ZDHHC3: variants seen among roughly 807,000 people sequenced by gnomAD.
ZDHHC3 encodes the protein palmitoyltransferase ZDHHC3.
A neutral mutation model predicts 30.6 loss-of-function variants in ZDHHC3; 9 were observed. The observed-to-expected ratio is 0.29, with a 90% CI of 0.18 to 0.51. ZDHHC3 has a LOEUF of 0.51. ZDHHC3 is among the 20% of genes least tolerant of loss of function. The probability of loss-of-function intolerance (pLI) is 0.97; values close to 1 mark genes in which losing one functional copy is unlikely to be tolerated. For missense variants in ZDHHC3, 246 were observed against 384.2 expected (o/e 0.64, Z 3.01); for synonymous variants, 136 against 140.2 (o/e 0.97, Z 0.21).
At position 44,925,045 on chromosome 3, in the gene ZDHHC3, AT is replaced by A. The variant is rs1700873815; in HGVS notation, c.*1643del. 4.1e-6 allele frequency: 4 copies of A among 985,730 alleles called. No individual in the cohort carries two copies. The highest frequency in any genetic ancestry group is 1.7e-5 in the African/African-American group (1 of 57,250). The allele number at this position is 985,730 out of a possible 1,614,324, so 61.1% of individuals were successfully genotyped here. A position where few individuals can be genotyped will look rare whatever the true frequency, so the allele number is the denominator to read the frequency against. The stretch of plus-strand genomic sequence containing the variant: ...ATAAATGCATTTTAAAACAAAAAAA[AT>A]AAAGTATCCTCATTCAAGAGACAGA... On this transcript the variant is annotated 3_prime_UTR_variant, in exon 7 of 7. Transcript: ENST00000424952.
intron 2 of ZDHHC3, among the ~76,000 whole-genome samples, chr3:44,946,918 T>C (rs1370918717): frequency 1.3e-5 from 2 of 152,220 alleles, no homozygotes; most frequent in Non-Finnish European, 2.9e-5. Context: ...ACACTGGTGC[T>C]TCAGGAAGAG....
chr3:44,941,915 C>G (rs1294140640), intron 3 of ZDHHC3, among the ~76,000 whole-genome samples: 1 of 152,218 alleles, frequency 6.6e-6, no homozygotes, highest in East Asian at 1.9e-4. Flanking sequence ...CATGGCCATC[C>G]ACATTAGCAT....
intron 2 of ZDHHC3, among the ~76,000 whole-genome samples, chr3:44,957,923 A>T (rs1704097829): frequency 6.6e-6 from 1 of 152,238 alleles, no homozygotes; most frequent in African/African-American, 2.4e-5. Flanking sequence ...TATCCCCAAT[A>T]GCAATGGTAT....
In ZDHHC3 at chr3:44,923,027, C is replaced by T; in HGVS notation, c.*3662G>A. The stretch of plus-strand genomic sequence containing the variant: ...GGCTGAGAAAGCCCATCCCAGCCCA[C>T]CCGGAGAGGAGTTTCTGTGTAATGC... On this transcript the variant is annotated 3_prime_UTR_variant, in exon 7 of 7. Transcript: ENST00000424952. The T allele has an allele frequency of 3.0e-6, 3 of 984,986 alleles. No individual in the cohort carries two copies. Among genetic ancestry groups the T allele is most frequent in the Non-Finnish European group, 3.6e-6 (3 of 829,854 alleles). 61.0% of individuals were successfully genotyped at this position (984,986 alleles called of 1,614,324 possible).
chr3:44,920,410 G>A lies in ZDHHC3; in HGVS notation c.*6279C>T, dbSNP rs1028464316. ...ACCATATGGCAGACCCGGCTACAGA[G>A]GAAACACCCAAAAATGACAGACTGG... On this transcript the variant is annotated 3_prime_UTR_variant, in exon 7 of 7. Coordinates refer to ENST00000424952, the MANE Select transcript of ZDHHC3 (RefSeq NM_001135179.2). The A allele has an allele frequency of 2.1e-5, 27 of 1,271,966 alleles. No homozygotes were observed. In the African/African-American group the frequency reaches 3.0e-4, roughly 14 times the overall value. 78.8% of individuals were successfully genotyped at this position (1,271,966 alleles called of 1,614,324 possible).
intron 1 of ZDHHC3, among the ~76,000 whole-genome samples, chr3:44,973,249 G>A (rs980612194): frequency 2.6e-5 from 4 of 152,118 alleles, no homozygotes; most frequent in African/African-American, 9.7e-5. Flanking sequence ...ATAAAACCTG[G>A]GGGGAGGCTG....
intron 3 of ZDHHC3, among the ~76,000 whole-genome samples, chr3:44,935,080 C>T (rs1181220273): frequency 3.9e-5 from 6 of 152,056 alleles, no homozygotes; most frequent in South Asian, 2.1e-4. Flanking sequence ...ACAAGCGTCC[C>T]GGACTACTAG....
At chr3:44,933,455 C>T in intron 4 of ZDHHC3, 1 of 583,174 alleles carries the variant, frequency 1.7e-6, no homozygotes, top group Non-Finnish European at 3.0e-6. Flanking sequence ...ATGACCTGGG[C>T]TCCAGGCAGT....
At chr3:44,961,503 C>A (rs1039513058) in intron 1 of ZDHHC3, among the ~76,000 whole-genome samples, 6 of 152,186 alleles carry the variant, frequency 3.9e-5, no homozygotes, top group African/African-American at 1.2e-4. Flanking sequence ...AGGACAGTGG[C>A]AATGTAGTCC....
At chr3:44,929,488 C>T in intron 5 of ZDHHC3, 52 bp from the exon 6 acceptor site, 1 of 1,601,944 alleles carries the variant, frequency 6.2e-7, no homozygotes, top group Non-Finnish European at 8.5e-7. Flanking sequence ...CTGCCTGCTG[C>T]CCAGGCTCAC....
At chr3:44,933,495 T>C (rs1701680494) in intron 4 of ZDHHC3, 5 of 553,892 alleles carry the variant, frequency 9.0e-6, no homozygotes, top group Non-Finnish European at 1.6e-5. Flanking sequence ...GGTTCAAGCC[T>C]GCTGTACCTC....
intron 6 of ZDHHC3, among the ~76,000 whole-genome samples, chr3:44,928,329 C>T (rs1304661070): frequency 6.6e-6 from 1 of 152,270 alleles, no homozygotes; most frequent in East Asian, 1.9e-4. Flanking sequence ...CTTTGCACGT[C>T]CTCCTCTAAG....
In ZDHHC3 at chr3:44,926,288, C is replaced by G; in HGVS notation, c.*401G>C. The G allele has an allele frequency of 1.0e-6, 1 of 989,378 alleles. No individual in the cohort carries two copies. Among genetic ancestry groups the G allele is most frequent in the Non-Finnish European group, 1.2e-6 (1 of 832,706 alleles). 61.3% of individuals were successfully genotyped at this position (989,378 alleles called of 1,614,324 possible). A position where few individuals can be genotyped will look rare whatever the true frequency, so the allele number is the denominator to read the frequency against. Reference sequence around the variant, plus strand: ...CTGGGCAGTGGGAGGTCAGGGCCCTCCTGGCTTTCCCATGCATCCCCCACC... The same window carrying G: ...CTGGGCAGTGGGAGGTCAGGGCCCTGCTGGCTTTCCCATGCATCCCCCACC... On this transcript the variant is annotated 3_prime_UTR_variant, in exon 7 of 7. Transcript: ENST00000424952.
chr3:44,975,823 A>G (rs996592009), intron 1 of ZDHHC3, 110 bp downstream of exon 1: 1 of 155,786 alleles, frequency 6.4e-6, no homozygotes, highest in Non-Finnish European at 1.3e-5. Flanking sequence ...AGTCAACTCC[A>G]GCTCTGAGCA....
At position 44,959,842 on chromosome 3, in the gene ZDHHC3, G is replaced by T. The variant is rs998778508; in HGVS notation, c.-24-382C>A. 6.6e-6 allele frequency among the ~76,000 whole-genome samples: 1 copy of T among 152,082 alleles called. No homozygotes were observed. The highest frequency in any genetic ancestry group is 1.5e-5 in the Non-Finnish European group (1 of 68,006). On this transcript the variant is annotated intron_variant, in intron 1 of 6. Coordinates refer to ENST00000424952, the MANE Select transcript of ZDHHC3 (RefSeq NM_001135179.2). This position sits in a 1 kb window ranked among gnomAD's most constrained non-coding sequence, Gnocchi z 4.3. ...CACCGTCTTAGGTCAATGCAGCCTC[G>T]ACCTCCCACCTCGGGCTCAAGGGAT...
intron 1 of ZDHHC3, among the ~76,000 whole-genome samples, chr3:44,962,377 G>T (rs1704550614): frequency 6.6e-6 from 1 of 152,114 alleles, no homozygotes. Context: ...TGGTTTTGTT[G>T]AGGAATAAGC....
Position 44,933,988 on chromosome 3 carries a change from A to T in ZDHHC3, c.432-4T>A. The T allele has an allele frequency of 6.2e-7, 1 of 1,614,166 alleles. No homozygotes were observed. Reference sequence around the variant, plus strand: ...CCGAATGCACCGCTTACAAACACTGAAACAGCCCACAGGTCAGACCTTTAG... The same window carrying T: ...CCGAATGCACCGCTTACAAACACTGTAACAGCCCACAGGTCAGACCTTTAG... On this transcript the variant is annotated splice_polypyrimidine_tract_variant and splice_region_variant and intron_variant, in intron 3 of 6. Coordinates refer to ENST00000424952, the MANE Select transcript of ZDHHC3 (RefSeq NM_001135179.2).
intron 3 of ZDHHC3, among the ~76,000 whole-genome samples, chr3:44,940,527 G>C (rs1209945337): frequency 6.6e-6 from 1 of 152,218 alleles, no homozygotes; most frequent in African/African-American, 2.4e-5. Flanking sequence ...GACGCTGTAA[G>C]CTGGTGAGCT....
At chr3:44,974,914 G>A (rs934136677) in intron 1 of ZDHHC3, among the ~76,000 whole-genome samples, 1 of 152,126 alleles carries the variant, frequency 6.6e-6, no homozygotes, top group Non-Finnish European at 1.5e-5. Flanking sequence ...TGGCCCTGGA[G>A]CCTTCATCTG....
Sources: gnomAD v4.1 joint callset for allele counts (sites outside exome capture counted in the v4.1 genomes callset) on GRCh38, gnomAD v4.1.1 for gene constraint, Gnocchi (gnomAD v3.1) non-coding constraint, MANE v1.5 for transcripts, NCBI Gene and HGNC (gene_info 2026-07-23, HGNC 2026-07-21) for gene names.